TMEM120B: variants seen among roughly 807,000 people sequenced by gnomAD.
TMEM120B encodes the protein transmembrane protein 120B.
TMEM120B carries 31 observed loss-of-function variants against 55.5 expected under a neutral mutation model. The ratio of observed to expected loss-of-function variants is 0.56; its 90% CI spans 0.42 to 0.75. The LOEUF is 0.75. Among genes scored for constraint, TMEM120B ranks in the 30% least tolerant of loss-of-function variants. TMEM120B has a pLI of 0.00. For missense variants in TMEM120B, 399 were observed against 425.5 expected, an observed-to-expected ratio of 0.94 and a Z score of 0.55; for synonymous variants, 203 against 176.3, an observed-to-expected ratio of 1.15 and a Z score of -1.20.
intron 5 of TMEM120B, among the ~76,000 whole-genome samples, chr12:121,759,192 C>T (rs1175973609): frequency 2.7e-5 from 4 of 148,098 alleles, no homozygotes; most frequent in African/African-American, 5.0e-5. Context: ...GGATTACAGG[C>T]GTGAGCCACC....
intron 7 of TMEM120B, 112 bp from the exon 8 acceptor site, chr12:121,771,376 G>A (rs1176019551): frequency 4.6e-5 from 44 of 957,702 alleles, no homozygotes; most frequent in Non-Finnish European, 6.9e-5. Context: ...CTGGACCTCA[G>A]TTTGACTTTA....
chr12:121,750,714 CCACCCACACCCTA>C (rs1418116032), intron 4 of TMEM120B, among the ~76,000 whole-genome samples: 9 of 142,732 alleles, frequency 6.3e-5, no homozygotes, highest in African/African-American at 1.3e-4. Flanking sequence ...TGCCAACACC[CCACCCACACCCTA>C]CACCCACACC....
intron 6 of TMEM120B, among the ~76,000 whole-genome samples, chr12:121,766,798 T>G (rs532017734): frequency 2.0e-5 from 3 of 152,342 alleles, no homozygotes; most frequent in African/African-American, 7.2e-5. Context: ...AGCCGATGTC[T>G]ATTACAGTTA....
chr12:121,764,757 TGGG>T (rs1281591154), intron 6 of TMEM120B, among the ~76,000 whole-genome samples: 5 of 152,110 alleles, frequency 3.3e-5, no homozygotes, highest in Middle Eastern at 6.8e-3. Context: ...ACGCTGTGGA[TGGG>T]GGGCGACCAG....
Position 121,748,400 on chromosome 12 carries a change from A to T in TMEM120B, c.263A>T (p.Asp88Val). ...GCAGCGAACATCAAGGAGCGGCAGG[A>T]CGTCTTCTTCGACATGGAGGCCTAC... ...QMAANIKERQDVFFDMEAYLP... is the reference protein window; with the variant it reads ...QMAANIKERQVVFFDMEAYLP... Residue 88 changes from aspartate (D) to valine (V), a missense_variant, in exon 3 of 12, where the codon GAC becomes GTC. Around this residue, in one of 3 missense-constraint regions of TMEM120B, gnomAD observed 133 missense variants for 104.1 expected, o/e 1.28. Coordinates refer to ENST00000449592, the MANE Select transcript of TMEM120B (RefSeq NM_001080825.2). The T allele has an allele frequency of 6.2e-7, 1 of 1,610,908 alleles. No homozygotes were observed. Among genetic ancestry groups the T allele is most frequent in the Non-Finnish European group, 8.5e-7 (1 of 1,178,622 alleles).
Position 121,721,804 on chromosome 12 carries a change from C to CTTTTT in TMEM120B, c.69+8858_69+8862dup, listed in dbSNP as rs56702857. Among the ~76,000 whole-genome samples, 888 of 91,804 alleles carry CTTTTT rather than the reference C, an allele frequency of 9.7e-3. 96 individuals carry two copies. The highest frequency in any genetic ancestry group is 0.04 in the African/African-American group (839 of 21,058). 60.2% of individuals were successfully genotyped at this position (91,804 alleles called of 152,430 possible). A position where few individuals can be genotyped will look rare whatever the true frequency, so the allele number is the denominator to read the frequency against. On this transcript the variant is annotated intron_variant, in intron 1 of 11. Transcript: ENST00000449592. ...TTTTTTTTGAATGGAATCAGTTCTA[C>CTTTTT]TTTTTTTTTTTTTTTTTTTTTTGAG...
rs1258274614 is a variant in TMEM120B at position 121,775,023 on chromosome 12, G to A, written c.838-39G>A. 6.2e-7 allele frequency: 1 copy of A among 1,611,512 alleles called. No homozygotes were observed. Among genetic ancestry groups the A allele is most frequent in the African/African-American group, 1.3e-5 (1 of 74,838 alleles). ...CTGGCTTTCTACGTGGCCGGCCAGG[G>A]GAGTCTGGTGGGTGAGCAGCGCCTG... is the stretch of plus-strand genomic sequence containing the variant. On this transcript the variant is annotated intron_variant, in intron 10 of 11. Coordinates refer to ENST00000449592, the MANE Select transcript of TMEM120B (RefSeq NM_001080825.2). The surrounding 1 kb of genome is among the most constrained non-coding windows in gnomAD (Gnocchi z 4.3).
At position 121,779,276 on chromosome 12, in the gene TMEM120B, C is replaced by T; in HGVS notation, c.*3554C>T. Reference sequence around the variant, plus strand: ...CGAGTCCCGACAACAGACACTGGCTCCTGCACCCACATCACCACCATGTCC... The same window carrying T: ...CGAGTCCCGACAACAGACACTGGCTTCTGCACCCACATCACCACCATGTCC... On this transcript the variant is annotated 3_prime_UTR_variant, in exon 12 of 12. Transcript: ENST00000449592. The T allele has an allele frequency of 1.7e-6, 1 of 586,554 alleles. No individual in the cohort carries two copies. The highest frequency in any genetic ancestry group is 1.9e-5 in the African/African-American group (1 of 53,716). 36.3% of individuals were successfully genotyped at this position (586,554 alleles called of 1,614,324 possible).
rs757132888 is a variant in TMEM120B, at chr12:121,748,379, C to T, written c.242C>T (p.Ala81Val). Residue 81 changes from alanine (A) to valine (V), a missense_variant, in exon 3 of 12, where the codon GCG (alanine) becomes GTG (valine). Transcript: ENST00000449592. ...GCGGAGCTCGTTCAGCAGATGGCAG[C>T]GAACATCAAGGAGCGGCAGGACGTC... Reference protein sequence around the residue: ...EEAELVQQMAANIKERQDVFF... With the variant: ...EEAELVQQMAVNIKERQDVFF... 9 of 1,610,908 alleles carry T rather than the reference C, an allele frequency of 5.6e-6. No homozygotes were observed. The highest frequency in any genetic ancestry group is 2.2e-5 in the South Asian group (2 of 91,044).
At position 121,775,459 on chromosome 12, in the gene TMEM120B, C is replaced by T. The variant is rs995422840; in HGVS notation, c.907-150C>T. 22 of 1,443,170 alleles carry T rather than the reference C, an allele frequency of 1.5e-5. No homozygotes were observed. The highest frequency in any genetic ancestry group is 4.3e-5 in the African/African-American group (3 of 70,092). 89.4% of individuals were successfully genotyped at this position (1,443,170 alleles called of 1,614,324 possible). A position where few individuals can be genotyped will look rare whatever the true frequency, so the allele number is the denominator to read the frequency against. On this transcript the variant is annotated intron_variant, in intron 11 of 11. Coordinates refer to ENST00000449592, the MANE Select transcript of TMEM120B (RefSeq NM_001080825.2). The surrounding 1 kb of genome is among the most constrained non-coding windows in gnomAD (Gnocchi z 4.3). The stretch of plus-strand genomic sequence containing the variant: ...TGCCCAAGCCTGAGGCCTCACCCTT[C>T]CCCCAGGTCTCCTGAATCTCTGCCT...
intron 1 of TMEM120B, among the ~76,000 whole-genome samples, chr12:121,718,693 G>C (rs1450262922): frequency 6.6e-6 from 1 of 152,130 alleles, no homozygotes; most frequent in South Asian, 2.1e-4. Context: ...TAGAAGAAAA[G>C]TTTTGAACTT....
At chr12:121,725,383 C>G (rs1260875350) in intron 1 of TMEM120B, among the ~76,000 whole-genome samples, 2 of 152,204 alleles carry the variant, frequency 1.3e-5, no homozygotes, top group African/African-American at 4.8e-5. Context: ...TTCTAATCTA[C>G]TGCTGCCAAG....
At position 121,743,661 on chromosome 12, in the gene TMEM120B, G is replaced by A. The variant is rs374566702; in HGVS notation, c.102G>A (p.Glu34=). The A allele has an allele frequency of 6.2e-7, 1 of 1,613,726 alleles. No individual in the cohort carries two copies. Among genetic ancestry groups the A allele is most frequent in the Non-Finnish European group, 8.5e-7 (1 of 1,179,978 alleles). ...ETHRIYKQKL[E]ELAALQTLCS... Reference sequence around the variant, plus strand: ...ACAGGATCTACAAGCAGAAGCTGGAGGAGCTGGCTGCGCTGCAGACGCTGT... The same window carrying A: ...ACAGGATCTACAAGCAGAAGCTGGAAGAGCTGGCTGCGCTGCAGACGCTGT... Residue 34 remains glutamate, a synonymous_variant, in exon 2 of 12, where the codon GAG becomes GAA. Coordinates refer to ENST00000449592, the MANE Select transcript of TMEM120B (RefSeq NM_001080825.2).
In TMEM120B at chr12:121,778,724, G is replaced by A. The variant is rs527618750; in HGVS notation, c.*3002G>A. 1 of 152,338 alleles carries A rather than the reference G, an allele frequency of 6.6e-6. No homozygotes were observed. The highest frequency in any genetic ancestry group is 2.4e-5 in the African/African-American group (1 of 41,558). 9.4% of individuals were successfully genotyped at this position (152,338 alleles called of 1,614,324 possible). On this transcript the variant is annotated 3_prime_UTR_variant, in exon 12 of 12. Coordinates refer to ENST00000449592, the MANE Select transcript of TMEM120B (RefSeq NM_001080825.2). ...TGGGCCAGTCCTGTCCTACCACAGT[G>A]GGGGGAACAGTCCACAGAAAACTTG...
At position 121,742,048 on chromosome 12, in the gene TMEM120B, G is replaced by A. The variant is rs1872947183; in HGVS notation, c.70-1581G>A. 2.7e-5 allele frequency among the ~76,000 whole-genome samples: 4 copies of A among 146,476 alleles called. No homozygotes were observed. In the South Asian group the frequency reaches 8.7e-4, roughly 32 times the overall value. ...GATGGAGTCTTGCTCTGTCACCTAG[G>A]CTGGAGTGCCGTGGCACGATCTCAG... On this transcript the variant is annotated intron_variant, in intron 1 of 11. Transcript: ENST00000449592.
intron 3 of TMEM120B, 103 bp from the exon 4 acceptor site, chr12:121,750,277 A>C: frequency 9.0e-7 from 1 of 1,107,858 alleles, no homozygotes; most frequent in Non-Finnish European, 1.4e-6. Flanking sequence ...CTATCTTCTA[A>C]CATCAGTGCT....
At chr12:121,729,159 G>A (rs565261287) in intron 1 of TMEM120B, among the ~76,000 whole-genome samples, 1 of 152,366 alleles carries the variant, frequency 6.6e-6, no homozygotes, top group Admixed American at 6.5e-5. Context: ...ATGGCTGCCT[G>A]ATTGGCAAAA....
intron 1 of TMEM120B, among the ~76,000 whole-genome samples, chr12:121,741,461 C>G (rs1872931521): frequency 6.6e-6 from 1 of 152,132 alleles, no homozygotes. Flanking sequence ...TCCTGAATAG[C>G]TGGGATTACA....
chr12:121,745,704 A>G (rs1038751869), intron 2 of TMEM120B, among the ~76,000 whole-genome samples: 9 of 151,120 alleles, frequency 6.0e-5, no homozygotes, highest in African/African-American at 1.9e-4. Context: ...ACTTTTTTTG[A>G]GATAGTGTCT....
Sources: allele counts gnomAD v4.1 joint callset (sites outside exome capture counted in the v4.1 genomes callset), GRCh38; gene constraint gnomAD v4.1.1; regional missense constraint gnomAD v4.1.1; non-coding constraint Gnocchi (gnomAD v3.1); transcripts MANE v1.5; gene names NCBI Gene and HGNC (gene_info 2026-07-23, HGNC 2026-07-21).